Variants in TRPC4 observed in about 807,000 individuals in gnomAD.
TRPC4 encodes the protein transient receptor potential cation channel subfamily C member 4, also known as short transient receptor potential channel 4.
TRPC4 carries 49 observed loss-of-function variants against 99.4 expected under a neutral mutation model. The ratio of observed to expected loss-of-function variants is 0.49; its 90% confidence interval spans 0.39 to 0.63. The LOEUF (loss-of-function observed/expected upper bound fraction) is 0.63. Ranked by LOEUF, TRPC4 falls within the 20% of genes least tolerant of loss-of-function variation. The probability of loss-of-function intolerance (pLI) is 0.00; values close to 1 mark genes in which losing one functional copy is unlikely to be tolerated. For synonymous variants in TRPC4, 454 were observed against 425.9 expected (o/e 1.07, Z -0.81); for missense variants, 898 against 1,152.9 (o/e 0.78, Z 3.20).
intron 5 of TRPC4, among the ~76,000 whole-genome samples, chr13:37,664,644 A>G (rs1256497785): frequency 6.6e-6 from 1 of 152,194 alleles, no homozygotes; most frequent in South Asian, 2.1e-4. Context: ...TTAAATCTGT[A>G]TTAGAACTGA....
At position 37,863,206 on chromosome 13, in the gene TRPC4, T is replaced by C. The variant is rs538238502; in HGVS notation, c.-28+6389A>G. Among the ~76,000 whole-genome samples the C allele has an allele frequency of 1.7e-4, 26 of 151,654 alleles. No individual in the cohort carries two copies. The East Asian group carries it at 4.4e-3, about 26-fold the overall frequency. On this transcript the variant is annotated intron_variant, in intron 1 of 10. Coordinates refer to ENST00000379705, the MANE Select transcript of TRPC4 (RefSeq NM_016179.4). ...TTTGATGTATGACTGCATGATCATA[T>C]AGAAAGATTTAGGGGGCCTACTTAC...
intron 8 of TRPC4, among the ~76,000 whole-genome samples, chr13:37,650,610 T>TACACACACAC (rs1555250394): frequency 1.7e-4 from 11 of 65,132 alleles, no homozygotes; most frequent in South Asian, 7.4e-4. Flanking sequence ...TCTCTCTCTC[T>TACACACACAC]ATACACACAC....
chr13:37,721,815 G>C lies in TRPC4; in HGVS notation c.897+24122C>G, dbSNP rs534937338. Among the ~76,000 whole-genome samples, 7 of 151,770 alleles carry C rather than the reference G, an allele frequency of 4.6e-5. No individual in the cohort carries two copies. The East Asian group carries it at 1.2e-3, about 25-fold the overall frequency. On this transcript the variant is annotated intron_variant, in intron 3 of 10. Coordinates refer to ENST00000379705, the MANE Select transcript of TRPC4 (RefSeq NM_016179.4). ...TTTTTACTTTAAAAATATTTTTATGGGTATACACATGGAGTTTCGCTATGC... is the reference window on the plus strand; with the variant it reads ...TTTTTACTTTAAAAATATTTTTATGCGTATACACATGGAGTTTCGCTATGC...
intron 1 of TRPC4, among the ~76,000 whole-genome samples, chr13:37,824,484 G>C (rs564983953): frequency 2.4e-4 from 36 of 151,938 alleles, no homozygotes; most frequent in Admixed American, 1.0e-3. Flanking sequence ...TAGCATGAAG[G>C]GTTGTTGAAT....
At chr13:37,832,191 T>C (rs1958441148) in intron 1 of TRPC4, among the ~76,000 whole-genome samples, 1 of 152,198 alleles carries the variant, frequency 6.6e-6, no homozygotes, top group South Asian at 2.1e-4. Flanking sequence ...TAAAATAATT[T>C]TTTAAATGAC....
chr13:37,817,475 A>G (rs1957890214), intron 1 of TRPC4, among the ~76,000 whole-genome samples: 1 of 152,082 alleles, frequency 6.6e-6, no homozygotes, highest in African/African-American at 2.4e-5. Context: ...ATTCAATGCT[A>G]TTCCTATTAT....
intron 3 of TRPC4, among the ~76,000 whole-genome samples, chr13:37,714,570 A>C (rs1295410358): frequency 6.6e-6 from 1 of 152,206 alleles, no homozygotes; most frequent in African/African-American, 2.4e-5. Flanking sequence ...ATTTAGGATA[A>C]AAACTAAAAT....
At chr13:37,780,532 A>G (rs1956810800) in intron 2 of TRPC4, among the ~76,000 whole-genome samples, 1 of 152,134 alleles carries the variant, frequency 6.6e-6, no homozygotes, top group Non-Finnish European at 1.5e-5. Context: ...AGAATGAGGA[A>G]TTACACCTTA....
At chr13:37,714,726 G>T (rs1954604200) in intron 3 of TRPC4, among the ~76,000 whole-genome samples, 1 of 150,058 alleles carries the variant, frequency 6.7e-6, no homozygotes, top group Admixed American at 6.7e-5. Context: ...TCTACTATTT[G>T]TAATCCCTCA....
chr13:37,642,677 G>T (rs1172224906), intron 8 of TRPC4, among the ~76,000 whole-genome samples: 1 of 151,794 alleles, frequency 6.6e-6, no homozygotes, highest in Non-Finnish European at 1.5e-5. Context: ...TACACTCTTG[G>T]TGCCAGGCAG....
chr13:37,834,750 A>G (rs927725450), intron 1 of TRPC4, among the ~76,000 whole-genome samples: 3 of 152,060 alleles, frequency 2.0e-5, no homozygotes, highest in African/African-American at 7.2e-5. Flanking sequence ...TTTTTGAGAC[A>G]GAGTCTCGCT....
intron 2 of TRPC4, among the ~76,000 whole-genome samples, chr13:37,758,311 T>C (rs901672963): frequency 2.6e-5 from 4 of 152,022 alleles, no homozygotes; most frequent in Admixed American, 6.6e-5. Flanking sequence ...AAAGGAATTA[T>C]GATATTTTTA....
intron 3 of TRPC4, among the ~76,000 whole-genome samples, chr13:37,734,171 G>A (rs1955326455): frequency 6.6e-6 from 1 of 152,108 alleles, no homozygotes; most frequent in Admixed American, 6.6e-5. Context: ...TTCTTTGTCT[G>A]AATAAATCCT....
intron 1 of TRPC4, among the ~76,000 whole-genome samples, chr13:37,805,486 T>A (rs1365323266): frequency 6.6e-6 from 1 of 152,030 alleles, no homozygotes; most frequent in Non-Finnish European, 1.5e-5. Context: ...AAGTCCATGT[T>A]TTCTTTTCCA....
intron 2 of TRPC4, among the ~76,000 whole-genome samples, chr13:37,747,164 C>T (rs781129949): frequency 2.6e-5 from 4 of 152,036 alleles, no homozygotes; most frequent in East Asian, 1.9e-4. Flanking sequence ...TGTTTATGCA[C>T]GATTTCCTTT....
At position 37,678,557 on chromosome 13, in the gene TRPC4, G is replaced by A. The variant is rs1953134331; in HGVS notation, c.1235-4190C>T. ...ATAAACTTTAAAACTCACTCAAGAGGACATAAAGCAACCTGAATAGTCCTA... is the reference window on the plus strand; with the variant it reads ...ATAAACTTTAAAACTCACTCAAGAGAACATAAAGCAACCTGAATAGTCCTA... On this transcript the variant is annotated intron_variant, in intron 4 of 10. Transcript: ENST00000379705. Among the ~76,000 whole-genome samples, 3 of 151,894 alleles carry A rather than the reference G, an allele frequency of 2.0e-5. No homozygotes were observed. In the South Asian group the frequency reaches 6.2e-4, roughly 31 times the overall value.
chr13:37,687,917 T>G (rs1171189789), intron 4 of TRPC4, among the ~76,000 whole-genome samples: 1 of 152,224 alleles, frequency 6.6e-6, no homozygotes, highest in Non-Finnish European at 1.5e-5. Flanking sequence ...AGAAGGATAT[T>G]GGTGTCCATC....
intron 1 of TRPC4, among the ~76,000 whole-genome samples, chr13:37,831,882 A>T (rs1958430212): frequency 6.6e-6 from 1 of 152,110 alleles, no homozygotes; most frequent in Non-Finnish European, 1.5e-5. Flanking sequence ...AGAGTCTGGC[A>T]GGAGGGTGGA....
Position 37,641,089 on chromosome 13 carries a change from G to A in TRPC4, c.2080-1790C>T, listed in dbSNP as rs565686159. 4.6e-5 allele frequency among the ~76,000 whole-genome samples: 7 copies of A among 152,216 alleles called. No homozygotes were observed. In the South Asian group the frequency reaches 1.2e-3, roughly 27 times the overall value. On this transcript the variant is annotated intron_variant, in intron 8 of 10. Coordinates refer to ENST00000379705, the MANE Select transcript of TRPC4 (RefSeq NM_016179.4). ...AGAATCAGAAAATTATGAGTAATAA[G>A]TGAAAATTATCATGATACATTTTAG...
Sources: allele counts gnomAD v4.1 joint callset (sites outside exome capture counted in the v4.1 genomes callset), GRCh38; gene constraint gnomAD v4.1.1; transcripts MANE v1.5; gene names NCBI Gene and HGNC (gene_info 2026-07-23, HGNC 2026-07-21).